ARID5B: variants seen among roughly 807,000 people sequenced by gnomAD.
ARID5B encodes the protein AT-rich interaction domain 5B, also known as AT-rich interactive domain-containing protein 5B.
ARID5B carries 13 observed loss-of-function variants against 97.2 expected under a neutral mutation model. The observed-to-expected ratio is 0.13, with a 90% CI of 0.09 to 0.21. The LOEUF is 0.21. Ranked by LOEUF, ARID5B falls within the 10% of genes least tolerant of loss-of-function variation. The pLI is 1.00. For missense variants in ARID5B, 1,210 were observed against 1,465.3 expected (o/e 0.83, Z 2.84); for synonymous variants, 556 against 570.3 (o/e 0.97, Z 0.36).
intron 3 of ARID5B, among the ~76,000 whole-genome samples, chr10:61,963,644 T>C (rs1838503937): frequency 6.6e-6 from 1 of 151,904 alleles, no homozygotes; most frequent in Non-Finnish European, 1.5e-5. Flanking sequence ...TGTAAAGCCA[T>C]TGGCCCCACA....
At position 62,091,218 on chromosome 10, in the gene ARID5B, C is replaced by T; in HGVS notation, c.1755C>T (p.Ser585=). The part of the protein sequence containing the change: ...QESKLCCFTE[S]PESEPQEASF... ...CCAAACTGTGCTGTTTTACAGAGAG[C>T]CCTGAAAGTGAACCCCAAGAAGCAT... is the stretch of plus-strand genomic sequence containing the variant. The change falls in exon 10 of 10, where the codon AGC becomes AGT. Residue 585 remains serine, a synonymous_variant. Coordinates refer to ENST00000279873, the MANE Select transcript of ARID5B (RefSeq NM_032199.3). 2 of 1,614,138 alleles carry T rather than the reference C, an allele frequency of 1.2e-6. No individual in the cohort carries two copies. The highest frequency in any genetic ancestry group is 3.3e-5 in the Admixed American group (2 of 60,030).
intron 3 of ARID5B, among the ~76,000 whole-genome samples, chr10:61,972,230 T>TG (rs1441748502): frequency 6.8e-6 from 1 of 147,638 alleles, no homozygotes; most frequent in Admixed American, 6.7e-5. Flanking sequence ...TCATGCTTTT[T>TG]TTTTTTTTTT....
intron 3 of ARID5B, among the ~76,000 whole-genome samples, chr10:61,965,096 C>G (rs1838523944): frequency 6.6e-6 from 1 of 152,038 alleles, no homozygotes; most frequent in Non-Finnish European, 1.5e-5. Flanking sequence ...ATGGTTAGTC[C>G]CCATGAAGAA....
chr10:62,039,834 G>A (rs1434199555), intron 4 of ARID5B, among the ~76,000 whole-genome samples: 1 of 152,184 alleles, frequency 6.6e-6, no homozygotes, highest in Non-Finnish European at 1.5e-5. Flanking sequence ...GTCATAAATG[G>A]GACCTGAAGC....
At chr10:61,985,476 C>T (rs1838834756) in intron 3 of ARID5B, among the ~76,000 whole-genome samples, 1 of 151,616 alleles carries the variant, frequency 6.6e-6, no homozygotes. Context: ...TTTTTTTTAA[C>T]CACATATTAT....
At chr10:61,960,017 C>T (rs1235911630) in intron 3 of ARID5B, among the ~76,000 whole-genome samples, 1 of 152,196 alleles carries the variant, frequency 6.6e-6, no homozygotes, top group Non-Finnish European at 1.5e-5. Flanking sequence ...TTTAAGAACA[C>T]AGAACCATTA....
intron 8 of ARID5B, among the ~76,000 whole-genome samples, chr10:62,076,123 C>T (rs989354566): frequency 6.6e-6 from 1 of 152,206 alleles, no homozygotes; most frequent in African/African-American, 2.4e-5. Flanking sequence ...CAGAATTCTT[C>T]TCAGTATGGC....
intron 4 of ARID5B, among the ~76,000 whole-genome samples, chr10:62,001,542 C>G (rs1365202546): frequency 1.3e-5 from 2 of 152,126 alleles, no homozygotes; most frequent in African/African-American, 4.8e-5. Context: ...CCACTATGGC[C>G]TCTTAAATTT....
At position 62,050,961 on chromosome 10, in the gene ARID5B, G is replaced by A. The variant is rs747942208; in HGVS notation, c.807G>A (p.Lys269=). Residue 269 remains lysine (K), a synonymous_variant, in exon 5 of 10, where the codon AAG becomes AAA. Coordinates refer to ENST00000279873, the MANE Select transcript of ARID5B (RefSeq NM_032199.3). ...PQRRDSFSGV[K]DSNNNSDGKA... ...GAAGAGATTCATTCAGTGGTGTTAA[G>A]GATTCCAACAACAATTCCGATGGCA... 3 of 1,614,214 alleles carry A rather than the reference G, an allele frequency of 1.9e-6. No individual in the cohort carries two copies. The highest frequency in any genetic ancestry group is 2.5e-6 in the Non-Finnish European group (3 of 1,180,022).
At chr10:61,961,686 C>G (rs1270449931) in intron 3 of ARID5B, among the ~76,000 whole-genome samples, 1 of 152,176 alleles carries the variant, frequency 6.6e-6, no homozygotes, top group East Asian at 1.9e-4. Flanking sequence ...GGTTTGATAC[C>G]TAGCCCCTTG....
At chr10:61,972,090 GA>G (rs886146767) in intron 3 of ARID5B, among the ~76,000 whole-genome samples, 1 of 151,752 alleles carries the variant, frequency 6.6e-6, no homozygotes, top group African/African-American at 2.4e-5. Context: ...GAAACAGAAA[GA>G]AAAAAATTAT....
intron 8 of ARID5B, among the ~76,000 whole-genome samples, chr10:62,084,405 A>C (rs143346435): frequency 0.017 from 2,545 of 152,364 alleles, 38 homozygotes; most frequent in Non-Finnish European, 0.025. Context: ...ACCAATATCC[A>C]GACCAAGGAA....
In ARID5B at chr10:61,953,440, G is replaced by A. The variant is rs374611181; in HGVS notation, c.502+13032G>A. On this transcript the variant is annotated intron_variant, in intron 3 of 9. Coordinates refer to ENST00000279873, the MANE Select transcript of ARID5B (RefSeq NM_032199.3). ...TTTTCACATGTGCGGCCTGTATCTG[G>A]GTTTCTTTTCTTTTTTTTTTAATTG... 3.0e-4 allele frequency among the ~76,000 whole-genome samples: 45 copies of A among 152,156 alleles called. No homozygotes were observed. The South Asian group carries it at 9.1e-3, about 31-fold the overall frequency.
At chr10:62,008,061 A>AACACACACAC (rs369982502) in intron 4 of ARID5B, among the ~76,000 whole-genome samples, 1,111 of 66,534 alleles carry the variant, frequency 0.017, 28 homozygotes, top group Admixed American at 0.11. Context: ...CCCGCCCCAC[A>AACACACACAC]ACACACACAC....
At chr10:62,058,999 A>G (rs1289187393) in intron 6 of ARID5B, among the ~76,000 whole-genome samples, 1 of 152,220 alleles carries the variant, frequency 6.6e-6, no homozygotes, top group East Asian at 1.9e-4. Context: ...TCTTGCCTTT[A>G]TCCTAAAAGT....
At chr10:61,922,215 G>T (rs991439469) in intron 2 of ARID5B, among the ~76,000 whole-genome samples, 1 of 152,212 alleles carries the variant, frequency 6.6e-6, no homozygotes, top group Non-Finnish European at 1.5e-5. Context: ...GCTGGAAAGG[G>T]CATTGTGTCT....
At chr10:61,991,577 T>C (rs1274874316) in intron 3 of ARID5B, among the ~76,000 whole-genome samples, 1 of 152,210 alleles carries the variant, frequency 6.6e-6, no homozygotes, top group Admixed American at 6.5e-5. Flanking sequence ...TATTAATCCC[T>C]TATCAGGTAT....
intron 4 of ARID5B, chr10:62,049,304 A>G (rs1839753330): frequency 6.1e-6 from 9 of 1,481,818 alleles, no homozygotes; most frequent in Non-Finnish European, 8.1e-6. Flanking sequence ...TACATGAGTA[A>G]TGGAGCTGCC....
chr10:62,007,450 A>T (rs536268684), intron 4 of ARID5B, among the ~76,000 whole-genome samples: 1 of 152,270 alleles, frequency 6.6e-6, no homozygotes, highest in East Asian at 1.9e-4. Context: ...GAGACAGAAA[A>T]TTTCCCACTT....
Sources: allele counts gnomAD v4.1 joint callset (sites outside exome capture counted in the v4.1 genomes callset), GRCh38; gene constraint gnomAD v4.1.1; transcripts MANE v1.5; gene names NCBI Gene and HGNC (gene_info 2026-07-23, HGNC 2026-07-21).